Variants in FKBP14 observed in about 807,000 individuals in gnomAD.
The protein encoded by FKBP14 is peptidyl-prolyl cis-trans isomerase FKBP14.
FKBP14 carries 20 observed loss-of-function variants against 21.6 expected under a neutral mutation model. That is an observed-to-expected ratio of 0.92 (90% CI 0.65 to 1.34). The LOEUF (loss-of-function observed/expected upper bound fraction) is 1.34, where lower values mean the gene tolerates loss of function less well. FKBP14 is among the 40% of genes most tolerant of loss of function. The probability of loss-of-function intolerance (pLI) is 0.00; values close to 1 mark genes in which losing one functional copy is unlikely to be tolerated. For synonymous variants in FKBP14, 79 were observed against 86.7 expected (o/e 0.91, Z 0.49); for missense variants, 253 against 249.0 (o/e 1.02, Z -0.11).
Position 30,013,254 on chromosome 7 carries a change from C to CT in FKBP14, c.*1480dup, listed in dbSNP as rs1198314359. The CT allele has an allele frequency of 9.9e-3, 1,429 of 143,930 alleles. 9 individuals carry two copies. The highest frequency in any genetic ancestry group is 0.015 in the South Asian group (70 of 4,576). The allele number at this position is 143,930 out of a possible 1,614,324, so 8.9% of individuals were successfully genotyped here. A position where few individuals can be genotyped will look rare whatever the true frequency, so the allele number is the denominator to read the frequency against. On this transcript the variant is annotated 3_prime_UTR_variant, in exon 4 of 4. Coordinates refer to ENST00000222803, the MANE Select transcript of FKBP14 (RefSeq NM_017946.4). ...AATAGTAGCTGCTGTAGGTCTGCTTCTTTTTTTTTTTTTGAGATGGAGTCT... is the reference window on the plus strand; with the variant it reads ...AATAGTAGCTGCTGTAGGTCTGCTTCTTTTTTTTTTTTTTGAGATGGAGTCT...
chr7:30,014,755 A>G lies in FKBP14; in HGVS notation c.616T>C (p.Tyr206His). The G allele has an allele frequency of 5.0e-6, 8 of 1,603,164 alleles. No individual in the cohort carries two copies. Among genetic ancestry groups the G allele is most frequent in the Non-Finnish European group, 6.8e-6 (8 of 1,176,170 alleles). Residue 206 changes from tyrosine (Y) to histidine (H), a missense_variant, in exon 4 of 4, where the codon TAT becomes CAT. By Grantham distance (83) the Tyr-to-His change is moderately conservative. Coordinates refer to ENST00000222803, the MANE Select transcript of FKBP14 (RefSeq NM_017946.4). ...TATCTCTATAACTCATCGTGTTTAT[A>G]TGTAAATTCTCTGGCAGATATAAAC... ...DGFISAREFT[Y>H]KHDEL
At chr7:30,015,468 C>CTA (rs1036682289) in intron 3 of FKBP14, among the ~76,000 whole-genome samples, 3 of 150,214 alleles carry the variant, frequency 2.0e-5, no homozygotes, top group East Asian at 1.9e-4. Flanking sequence ...ATAGCTCTCT[C>CTA]TATATATATA....
In FKBP14 at chr7:30,014,703, A is replaced by G; in HGVS notation, c.*32T>C. Reference sequence around the variant, plus strand: ...AAAGATGACTGCCCTCTCTTGAAAGATGAGTGCTATATTAAAAGGGTAGAT... The same window carrying G: ...AAAGATGACTGCCCTCTCTTGAAAGGTGAGTGCTATATTAAAAGGGTAGAT... On this transcript the variant is annotated 3_prime_UTR_variant, in exon 4 of 4. Coordinates refer to ENST00000222803, the MANE Select transcript of FKBP14 (RefSeq NM_017946.4). 1.5e-6 allele frequency: 2 copies of G among 1,351,528 alleles called. No homozygotes were observed. The highest frequency in any genetic ancestry group is 1.9e-6 in the Non-Finnish European group (2 of 1,028,092). The allele number at this position is 1,351,528 out of a possible 1,614,324, so 83.7% of individuals were successfully genotyped here. A position where few individuals can be genotyped will look rare whatever the true frequency, so the allele number is the denominator to read the frequency against.
intron 3 of FKBP14, among the ~76,000 whole-genome samples, chr7:30,018,376 G>GCT (rs1212374876): frequency 1.4e-3 from 206 of 152,354 alleles, no homozygotes; most frequent in African/African-American, 4.8e-3. Flanking sequence ...GCCAGACTAA[G>GCT]ACAGGTATGT....
At chr7:30,008,938 A>C (rs1028169244), downstream of FKBP14, among the ~76,000 whole-genome samples, 1 of 151,646 alleles carries the variant, frequency 6.6e-6, no homozygotes, top group African/African-American at 2.4e-5. Context: ...CAGAGCGAGA[A>C]TCCGTCTCCA....
At chr7:30,022,510 A>G (rs1304616653) in intron 2 of FKBP14, 155 bp downstream of exon 2, 5 of 666,634 alleles carry the variant, frequency 7.5e-6, no homozygotes, top group Non-Finnish European at 1.2e-5. Context: ...GGCCATTTCA[A>G]TTGATACTCA....
At chr7:30,006,149 TCTCC>T (rs1188910433), downstream of FKBP14, among the ~76,000 whole-genome samples, 21 of 144,576 alleles carry the variant, frequency 1.5e-4, no homozygotes, top group African/African-American at 5.4e-4. Context: ...AAGATAGGGG[TCTCC>T]CTCTGTTACC....
At position 30,026,274 on chromosome 7, in the gene FKBP14, C is replaced by A. The variant is rs775089214; in HGVS notation, c.197+38G>T. On this transcript the variant is annotated intron_variant, in intron 1 of 3. Transcript: ENST00000222803. ...GAGAGCTGGCATAAGTGAGTGGATT[C>A]TTAATTACTATTTTACCTGCGGGGC... 1.0e-5 allele frequency: 16 copies of A among 1,558,832 alleles called. No homozygotes were observed. In the South Asian group the frequency reaches 1.9e-4, roughly 18 times the overall value.
At chr7:30,026,253 G>T in intron 1 of FKBP14, 59 bp downstream of exon 1, 1 of 1,468,480 alleles carries the variant, frequency 6.8e-7, no homozygotes, top group Non-Finnish European at 9.2e-7. Context: ...CTGCTGGAGA[G>T]CTGGCATAAG....
At chr7:30,023,052 G>A (rs1180930928) in intron 1 of FKBP14, among the ~76,000 whole-genome samples, 1 of 147,854 alleles carries the variant, frequency 6.8e-6, no homozygotes, top group Non-Finnish European at 1.5e-5. Context: ...AAAGACAGAG[G>A]AAATAATAAA....
chr7:30,012,179 T>G lies in FKBP14; in HGVS notation c.*2556A>C, dbSNP rs182397562. 2.5e-4 allele frequency: 38 copies of G among 152,346 alleles called. No homozygotes were observed. The highest frequency in any genetic ancestry group is 8.4e-4 in the African/African-American group (35 of 41,570). 9.4% of individuals were successfully genotyped at this position (152,346 alleles called of 1,614,324 possible). ...TGAAGTCACAGTTCATGTCTGATTATTCCCACTAATAGAAGAGTACAAAGG... is the reference window on the plus strand; with the variant it reads ...TGAAGTCACAGTTCATGTCTGATTAGTCCCACTAATAGAAGAGTACAAAGG... On this transcript the variant is annotated 3_prime_UTR_variant, in exon 4 of 4. Coordinates refer to ENST00000222803, the MANE Select transcript of FKBP14 (RefSeq NM_017946.4).
intron 3 of FKBP14, among the ~76,000 whole-genome samples, chr7:30,017,562 C>T (rs4526261): frequency 0.78 from 118,076 of 150,872 alleles, 46,378 homozygotes; most frequent in East Asian, 0.95. Flanking sequence ...AGTGAGATTC[C>T]GTCTAAAAAA....
At chr7:30,010,181 G>A (rs918153997), downstream of FKBP14, among the ~76,000 whole-genome samples, 2 of 152,064 alleles carry the variant, frequency 1.3e-5, no homozygotes, top group Non-Finnish European at 2.9e-5. Context: ...TTTAATCAGA[G>A]GGTATTTTAT....
At chr7:30,024,962 C>G (rs1790135629) in intron 1 of FKBP14, among the ~76,000 whole-genome samples, 1 of 152,196 alleles carries the variant, frequency 6.6e-6, no homozygotes, top group South Asian at 2.1e-4. Context: ...TCCACCGTGG[C>G]ACTCACCTAG....
rs368119519 is a variant in FKBP14, at chr7:30,011,592, GTATATA to G, written c.*3137_*3142del. On this transcript the variant is annotated 3_prime_UTR_variant, in exon 4 of 4. Coordinates refer to ENST00000222803, the MANE Select transcript of FKBP14 (RefSeq NM_017946.4). Reference sequence around the variant, plus strand: ...TATATATGGTATATATATATATATAGTATATATATATATATATATTTTTTTTTTTAG... The same window carrying G: ...TATATATGGTATATATATATATATAGTATATATATATATTTTTTTTTTTAG... 8.0e-6 allele frequency: 1 copy of G among 125,586 alleles called. No individual in the cohort carries two copies. The highest frequency in any genetic ancestry group is 1.6e-5 in the Non-Finnish European group (1 of 61,070). 7.8% of individuals were successfully genotyped at this position (125,586 alleles called of 1,614,324 possible). A position where few individuals can be genotyped will look rare whatever the true frequency, so the allele number is the denominator to read the frequency against.
intron 2 of FKBP14, among the ~76,000 whole-genome samples, chr7:30,021,721 A>G (rs1790035862): frequency 6.6e-6 from 1 of 152,050 alleles, no homozygotes; most frequent in Non-Finnish European, 1.5e-5. Flanking sequence ...ACGTTCAGCT[A>G]ATTTTGTATT....
chr7:30,009,728 G>A (rs553574220), downstream of FKBP14, among the ~76,000 whole-genome samples: 2 of 151,192 alleles, frequency 1.3e-5, no homozygotes, highest in East Asian at 2.0e-4. Flanking sequence ...GGTCCCTCAC[G>A]CCTGTAATCC....
At chr7:30,006,824 C>G (rs1017476663), downstream of FKBP14, among the ~76,000 whole-genome samples, 2 of 152,192 alleles carry the variant, frequency 1.3e-5, no homozygotes, top group Non-Finnish European at 2.9e-5. Flanking sequence ...ATCCTTAGAT[C>G]GGCTCAACTG....
chr7:30,021,425 C>T (rs1343638790), intron 2 of FKBP14, among the ~76,000 whole-genome samples: 2 of 152,158 alleles, frequency 1.3e-5, no homozygotes, highest in Admixed American at 6.5e-5. Context: ...ATACCACTTA[C>T]GACAGTTCCA....
Sources: gnomAD v4.1 joint callset for allele counts (sites outside exome capture counted in the v4.1 genomes callset) on GRCh38, gnomAD v4.1.1 for gene constraint, MANE v1.5 for transcripts, NCBI Gene and HGNC (gene_info 2026-07-23, HGNC 2026-07-21) for gene names.